DCP2: variants seen among roughly 807,000 people sequenced by gnomAD.
DCP2 encodes m7GpppN-mRNA hydrolase.
Under a neutral mutation model 56.1 loss-of-function variants are expected in DCP2, and 30 were observed. The ratio of observed to expected loss-of-function variants is 0.53; its 90% CI spans 0.40 to 0.73. DCP2 has a LOEUF of 0.73. Ranked by LOEUF, DCP2 falls within the 30% of genes least tolerant of loss-of-function variation. DCP2 has a pLI of 0.00. For missense variants in DCP2, 533 were observed against 502.7 expected (o/e 1.06, Z -0.58); for synonymous variants, 197 against 163.3 (o/e 1.21, Z -1.57).
chr5:113,005,342 C>A (rs752315647), intron 8 of DCP2, among the ~76,000 whole-genome samples: 1 of 152,122 alleles, frequency 6.6e-6, no homozygotes, highest in African/African-American at 2.4e-5. Context: ...TAATTTAAAA[C>A]TGGACAAATG....
chr5:112,987,379 G>T (rs556206682), intron 2 of DCP2, among the ~76,000 whole-genome samples: 1 of 152,254 alleles, frequency 6.6e-6, no homozygotes, highest in African/African-American at 2.4e-5. Context: ...GATATGGTTG[G>T]AAAGTCATAT....
In DCP2 at chr5:113,001,156, G is replaced by T. The variant is rs928067250; in HGVS notation, c.505G>T (p.Asp169Tyr). The T allele has an allele frequency of 6.2e-7, 1 of 1,613,834 alleles. No individual in the cohort carries two copies. Among genetic ancestry groups the T allele is most frequent in the Admixed American group, 1.7e-5 (1 of 59,994 alleles). Residue 169 changes from aspartate (D) to tyrosine (Y), a missense_variant, in exon 5 of 11, where the codon GAC (aspartate) becomes TAC (tyrosine). Physicochemically the swap from Asp to Tyr is radical, Grantham distance 160. Around this residue, in one of 3 missense-constraint regions of DCP2, gnomAD observed 392 missense variants for 346.6 expected, o/e 1.13. Coordinates refer to ENST00000389063, the MANE Select transcript of DCP2 (RefSeq NM_152624.6). ...KDDYIELRIN[D>Y]QLARLYIIPG... ...TGATTACATTGAACTTCGAATCAATGACCAGCTTGCTCGTTTGTACATCAT... is the reference window on the plus strand; with the variant it reads ...TGATTACATTGAACTTCGAATCAATTACCAGCTTGCTCGTTTGTACATCAT...
intron 1 of DCP2, among the ~76,000 whole-genome samples, chr5:112,980,260 T>C (rs530579500): frequency 2.1e-4 from 32 of 152,324 alleles, no homozygotes; most frequent in African/African-American, 7.5e-4. Context: ...TTTAAAGCCC[T>C]TTTTAAGAGT....
chr5:112,984,932 A>G (rs563046839), intron 1 of DCP2, among the ~76,000 whole-genome samples: 39 of 151,518 alleles, frequency 2.6e-4, no homozygotes, highest in Non-Finnish European at 4.7e-4. Flanking sequence ...TCTTATGCTT[A>G]TTTGAAACTT....
At chr5:112,990,483 C>A (rs1243237849) in intron 2 of DCP2, among the ~76,000 whole-genome samples, 1 of 152,160 alleles carries the variant, frequency 6.6e-6, no homozygotes, top group Non-Finnish European at 1.5e-5. Flanking sequence ...TAGAATCTTA[C>A]CAGGCCCTTA....
intron 10 of DCP2, among the ~76,000 whole-genome samples, chr5:113,012,166 G>C (rs183765476): frequency 6.6e-6 from 1 of 152,282 alleles, no homozygotes; most frequent in East Asian, 1.9e-4. Context: ...CACCATGCCA[G>C]CCTGGGCAAC....
At chr5:113,011,866 C>T (rs1749692452) in intron 10 of DCP2, among the ~76,000 whole-genome samples, 1 of 152,142 alleles carries the variant, frequency 6.6e-6, no homozygotes, top group African/African-American at 2.4e-5. Context: ...GTCTTTCATC[C>T]ATTTCAAGTT....
intron 8 of DCP2, among the ~76,000 whole-genome samples, chr5:113,007,285 T>A (rs1749482469): frequency 1.3e-5 from 2 of 152,160 alleles, no homozygotes; most frequent in South Asian, 4.1e-4. Flanking sequence ...GTAGCTAATG[T>A]CCCTCGGCAT....
intron 2 of DCP2, among the ~76,000 whole-genome samples, chr5:112,988,329 A>G (rs1199341960): frequency 6.6e-6 from 1 of 150,504 alleles, no homozygotes; most frequent in Non-Finnish European, 1.5e-5. Flanking sequence ...AAAAAAAAAA[A>G]AAAATACAAA....
intron 10 of DCP2, among the ~76,000 whole-genome samples, chr5:113,012,863 C>T (rs954726332): frequency 1.3e-5 from 2 of 151,846 alleles, no homozygotes; most frequent in Admixed American, 6.6e-5. Context: ...AGGCTGGTCT[C>T]GAACTCCTGA....
chr5:112,981,634 T>TA (rs1201278559), intron 1 of DCP2, among the ~76,000 whole-genome samples: 1 of 152,128 alleles, frequency 6.6e-6, no homozygotes, highest in Non-Finnish European at 1.5e-5. Flanking sequence ...GAGCCCTTTG[T>TA]AAGTGTCTTG....
chr5:113,000,094 A>G (rs967426607), intron 4 of DCP2, among the ~76,000 whole-genome samples: 3 of 151,448 alleles, frequency 2.0e-5, no homozygotes, highest in Non-Finnish European at 4.4e-5. Flanking sequence ...AAGAAGAAAA[A>G]CAGGGGTATA....
chr5:113,004,021 C>T lies in DCP2; in HGVS notation c.886C>T (p.Leu296=), dbSNP rs1279419757. 6.2e-7 allele frequency: 1 copy of T among 1,614,124 alleles called. No homozygotes were observed. The highest frequency in any genetic ancestry group is 2.2e-5 in the East Asian group (1 of 44,868). Reference sequence around the variant, plus strand: ...CCAGTGGGTAAAGCACAGGCAACCACTGCAGCAAAAGCCATATAATAATCA... The same window carrying T: ...CCAGTGGGTAAAGCACAGGCAACCATTGCAGCAAAAGCCATATAATAATCA... ...GDQWVKHRQP[L]QQKPYNNHSE... is the part of the protein sequence containing the mutation. Residue 296 remains leucine (L), a synonymous_variant, in exon 8 of 11, where the codon CTG becomes TTG. Coordinates refer to ENST00000389063, the MANE Select transcript of DCP2 (RefSeq NM_152624.6).
At chr5:112,978,016 T>C (rs748988877) in intron 1 of DCP2, among the ~76,000 whole-genome samples, 5 of 152,160 alleles carry the variant, frequency 3.3e-5, no homozygotes, top group Non-Finnish European at 4.4e-5. Flanking sequence ...CTCTTTCTTT[T>C]GCCCAGGCTG....
rs572552230 is a variant in DCP2 at position 113,016,076 on chromosome 5, A to C, written c.*2592A>C. ...ATGTTCCAAGGTGCAGTGCACTGTGAATCTTTTATTTTTAAAAAAATTTGT... is the reference window on the plus strand; with the variant it reads ...ATGTTCCAAGGTGCAGTGCACTGTGCATCTTTTATTTTTAAAAAAATTTGT... On this transcript the variant is annotated 3_prime_UTR_variant, in exon 11 of 11. Transcript: ENST00000389063. The C allele has an allele frequency of 6.5e-6, 1 of 152,748 alleles. No homozygotes were observed. The highest frequency in any genetic ancestry group is 1.9e-4 in the East Asian group (1 of 5,190). The allele number at this position is 152,748 out of a possible 1,614,324, so 9.5% of individuals were successfully genotyped here. A position where few individuals can be genotyped will look rare whatever the true frequency, so the allele number is the denominator to read the frequency against.
intron 9 of DCP2, among the ~76,000 whole-genome samples, chr5:113,009,921 C>CTTT (rs564861668): frequency 0.19 from 26,243 of 136,000 alleles, 2,623 homozygotes; most frequent in Non-Finnish European, 0.22. Context: ...CTTTTTTTTC[C>CTTT]TTTTTTTTTT....
Position 113,013,642 on chromosome 5 carries a change from G to A in DCP2, c.*158G>A, listed in dbSNP as rs1749770301. On this transcript the variant is annotated 3_prime_UTR_variant, in exon 11 of 11. Transcript: ENST00000389063. The stretch of plus-strand genomic sequence containing the variant: ...TTTATAAGAGAGTAGAAAGAAACAC[G>A]AGTTTGCACTGTAAATGCAGTTATA... The A allele has an allele frequency of 6.1e-6, 5 of 816,246 alleles. No homozygotes were observed. Among genetic ancestry groups the A allele is most frequent in the East Asian group, 2.5e-5 (1 of 39,528 alleles). 50.6% of individuals were successfully genotyped at this position (816,246 alleles called of 1,614,324 possible).
Position 113,001,221 on chromosome 5 carries a change from T to G in DCP2, c.570T>G (p.Thr190=). The G allele has an allele frequency of 1.2e-6, 2 of 1,613,086 alleles. No homozygotes were observed. The highest frequency in any genetic ancestry group is 1.3e-5 in the African/African-American group (1 of 75,034). The stretch of plus-strand genomic sequence containing the variant: ...AAGACACAAAATTTAACCCAAAAAC[T>G]AGAAGAGAAATTCGGGTATGTAACA... The part of the protein sequence containing the change: ...IPKDTKFNPK[T]RREIRNIEWF... The change falls in exon 5 of 11, where the codon ACT becomes ACG. Residue 190 remains threonine (T), a synonymous_variant. Coordinates refer to ENST00000389063, the MANE Select transcript of DCP2 (RefSeq NM_152624.6).
At chr5:112,978,151 A>G (rs1252238143) in intron 1 of DCP2, among the ~76,000 whole-genome samples, 3 of 151,674 alleles carry the variant, frequency 2.0e-5, no homozygotes, top group East Asian at 1.9e-4. Flanking sequence ...TAATTTTTGT[A>G]TTTTTAGTAG....
Sources: allele counts gnomAD v4.1 joint callset (sites outside exome capture counted in the v4.1 genomes callset), GRCh38; gene constraint gnomAD v4.1.1; regional missense constraint gnomAD v4.1.1; transcripts MANE v1.5; gene names NCBI Gene and HGNC (gene_info 2026-07-23, HGNC 2026-07-21).